IQCM: variants seen among roughly 807,000 people sequenced by gnomAD.
IQCM encodes IQ domain-containing protein M.
IQCM carries 45 observed loss-of-function variants against 57.6 expected under a neutral mutation model. That is an observed-to-expected ratio of 0.78 (90% CI 0.62 to 1.00). The LOEUF (loss-of-function observed/expected upper bound fraction) is 1.00, where lower values mean the gene tolerates loss of function less well. IQCM is among the 50% of genes least tolerant of loss of function. The probability of loss-of-function intolerance (pLI) is 0.00; values close to 1 mark genes in which losing one functional copy is unlikely to be tolerated. For missense variants in IQCM, 468 were observed against 511.6 expected (o/e 0.91, Z 0.82); for synonymous variants, 148 against 158.9 (o/e 0.93, Z 0.51).
chr4:149,401,522 G>C (rs1267657155), intron 13 of IQCM, among the ~76,000 whole-genome samples: 2 of 151,666 alleles, frequency 1.3e-5, no homozygotes, highest in Non-Finnish European at 2.9e-5. Context: ...TTGTAGTCCA[G>C]TTTTTTAATC....
chr4:149,618,364 A>G (rs1419087693), intron 8 of IQCM, among the ~76,000 whole-genome samples: 2 of 152,188 alleles, frequency 1.3e-5, no homozygotes, highest in African/African-American at 4.8e-5. Flanking sequence ...AGATGGATTA[A>G]AGACTTAAAT....
intron 11 of IQCM, among the ~76,000 whole-genome samples, chr4:149,549,466 C>T (rs1395090596): frequency 6.6e-6 from 1 of 151,562 alleles, no homozygotes; most frequent in Non-Finnish European, 1.5e-5. Context: ...TGCAGTGAGC[C>T]GAGATCCCGC....
intron 5 of IQCM, among the ~76,000 whole-genome samples, chr4:149,693,286 G>T (rs1026977180): frequency 6.6e-6 from 1 of 151,978 alleles, no homozygotes; most frequent in Non-Finnish European, 1.5e-5. Context: ...GAATGATATG[G>T]TCCATGACCT....
chr4:149,662,473 T>A (rs142828037), intron 7 of IQCM, among the ~76,000 whole-genome samples: 9 of 152,142 alleles, frequency 5.9e-5, no homozygotes, highest in African/African-American at 1.9e-4. Flanking sequence ...TCTTTATTTT[T>A]TTATCTTAAT....
chr4:149,402,970 G>A (rs908325780), intron 13 of IQCM, among the ~76,000 whole-genome samples: 1 of 151,712 alleles, frequency 6.6e-6, no homozygotes, highest in Admixed American at 6.6e-5. Flanking sequence ...ATTCAGCATG[G>A]TACTTGCATT....
At chr4:149,678,186 C>T (rs1761908807) in intron 7 of IQCM, among the ~76,000 whole-genome samples, 1 of 151,688 alleles carries the variant, frequency 6.6e-6, no homozygotes, top group South Asian at 2.1e-4. Flanking sequence ...GGTCCGAGAA[C>T]CCCAAACAGA....
intron 2 of IQCM, among the ~76,000 whole-genome samples, chr4:149,749,972 T>G (rs1377105932): frequency 6.6e-6 from 1 of 152,184 alleles, no homozygotes; most frequent in African/African-American, 2.4e-5. Flanking sequence ...CTATAAAAAC[T>G]GTTTATTTGA....
chr4:149,815,266 C>T (rs1774948302), intron 2 of IQCM, 45 bp downstream of exon 2: 1 of 151,856 alleles, frequency 6.6e-6, no homozygotes, highest in Admixed American at 6.6e-5. Flanking sequence ...ACCAAGGGGC[C>T]TGAATTGTTA....
At chr4:149,606,733 A>G (rs1754816389) in intron 8 of IQCM, among the ~76,000 whole-genome samples, 1 of 152,188 alleles carries the variant, frequency 6.6e-6, no homozygotes, top group Non-Finnish European at 1.5e-5. Context: ...TTTTTAAATC[A>G]AGCAGAAATT....
At chr4:149,518,856 T>C (rs1023967473) in intron 12 of IQCM, among the ~76,000 whole-genome samples, 6 of 152,082 alleles carry the variant, frequency 3.9e-5, no homozygotes, top group Non-Finnish European at 7.4e-5. Flanking sequence ...GAAAGTACTA[T>C]GGAAACATAT....
chr4:149,454,177 C>G (rs1157005080), intron 12 of IQCM, among the ~76,000 whole-genome samples: 1 of 143,640 alleles, frequency 7.0e-6, no homozygotes, highest in African/African-American at 2.5e-5. Flanking sequence ...TACACACACA[C>G]ACACACACAC....
chr4:149,362,824 A>G (rs1159676928), intron 13 of IQCM, among the ~76,000 whole-genome samples: 1 of 152,232 alleles, frequency 6.6e-6, no homozygotes, highest in African/African-American at 2.4e-5. Context: ...CTGGCAGAAG[A>G]AATCTTCTAG....
At chr4:149,792,162 C>A (rs1013352701) in intron 2 of IQCM, among the ~76,000 whole-genome samples, 1 of 152,076 alleles carries the variant, frequency 6.6e-6, no homozygotes, top group African/African-American at 2.4e-5. Context: ...CATTTCTGTT[C>A]TCTACTGAAT....
At chr4:149,610,462 T>C (rs908850459) in intron 8 of IQCM, among the ~76,000 whole-genome samples, 1 of 152,058 alleles carries the variant, frequency 6.6e-6, no homozygotes, top group African/African-American at 2.4e-5. Flanking sequence ...TTGCATTACC[T>C]GACTTCAAAT....
intron 7 of IQCM, among the ~76,000 whole-genome samples, chr4:149,677,351 C>G (rs1761835270): frequency 6.6e-6 from 1 of 152,046 alleles, no homozygotes; most frequent in Non-Finnish European, 1.5e-5. Flanking sequence ...AGCATGGGCA[C>G]AAACCTTTGC....
In IQCM at chr4:149,368,778, A is replaced by ATAGG. The variant is rs1730034642; in HGVS notation, c.1391-16713_1391-16712insCCTA. On this transcript the variant is annotated intron_variant, in intron 13 of 13. Transcript: ENST00000636793. Reference sequence around the variant, plus strand: ...CATGTATATATATATATACATATATATACATGTATATATATACATATATAT... The same window carrying ATAGG: ...CATGTATATATATATATACATATATATAGGTACATGTATATATATACATATATAT... 2.5e-5 allele frequency among the ~76,000 whole-genome samples: 3 copies of ATAGG among 119,868 alleles called. No individual in the cohort carries two copies. In the South Asian group the frequency reaches 7.2e-4, roughly 29 times the overall value. The allele number at this position is 119,868 out of a possible 152,430, so 78.6% of individuals were successfully genotyped here. A position where few individuals can be genotyped will look rare whatever the true frequency, so the allele number is the denominator to read the frequency against.
intron 12 of IQCM, among the ~76,000 whole-genome samples, chr4:149,531,469 T>C (rs1746740307): frequency 6.6e-6 from 1 of 152,154 alleles, no homozygotes; most frequent in African/African-American, 2.4e-5. Flanking sequence ...TCCCTCCTTA[T>C]TCCCTCTCTT....
rs1386836087 is a variant in IQCM, at chr4:149,390,685, GT to G, written c.1391-38620del. On this transcript the variant is annotated intron_variant, in intron 13 of 13. Transcript: ENST00000636793. ...TTTTCTGCATTGAGATAATCATGTG[GT>G]TTTTTTCTTTATTAATATTGTATAA... 2.1e-4 allele frequency among the ~76,000 whole-genome samples: 32 copies of G among 151,796 alleles called. No homozygotes were observed. In the East Asian group the frequency reaches 2.1e-3, roughly 10 times the overall value.
intron 12 of IQCM, among the ~76,000 whole-genome samples, chr4:149,471,644 C>T (rs971066784): frequency 2.6e-5 from 4 of 152,050 alleles, no homozygotes; most frequent in Non-Finnish European, 2.9e-5. Flanking sequence ...ATCCTGATAC[C>T]AAAGCCTGGC....
Sources: gnomAD v4.1 joint callset for allele counts (sites outside exome capture counted in the v4.1 genomes callset) on GRCh38, gnomAD v4.1.1 for gene constraint, MANE v1.5 for transcripts, NCBI Gene and HGNC (gene_info 2026-07-23, HGNC 2026-07-21) for gene names.